The following SIRT1 variants were observed in gnomAD, a reference collection of about 807,000 sequenced individuals.
SIRT1 encodes the protein sirtuin 1, also known as NAD-dependent protein deacetylase sirtuin-1.
In SIRT1, 24 loss-of-function variants were observed where a neutral mutation model predicts 67.9. The ratio of observed to expected loss-of-function variants is 0.35; its 90% CI spans 0.26 to 0.50. The LOEUF (loss-of-function observed/expected upper bound fraction) is 0.50. Ranked by LOEUF, SIRT1 falls within the 20% of genes least tolerant of loss-of-function variation. The pLI is 0.98. For synonymous variants in SIRT1, 378 were observed against 350.7 expected, an observed-to-expected ratio of 1.08 and a Z score of -0.87; for missense variants, 873 against 937.2, an observed-to-expected ratio of 0.93 and a Z score of 0.89.
At chr10:67,895,748 G>GT (rs869039480) in intron 4 of SIRT1, among the ~76,000 whole-genome samples, 11 of 60,650 alleles carry the variant, frequency 1.8e-4, no homozygotes, top group African/African-American at 7.8e-4. Flanking sequence ...TTTTTTTTTT[G>GT]TTTTTTTTTT....
Position 67,884,899 on chromosome 10 carries a change from G to A in SIRT1, c.178G>A (p.Val60Met). The change falls in exon 1 of 9, where the codon GTG (valine) becomes ATG (methionine). Residue 60 changes from valine to methionine, a missense_variant. Transcript: ENST00000212015. ...CGGTGGGGCGGCCCCAGAGCGTGAG[G>A]TGCCGGCGGCGGCCAGGGGCTGCCC... ...EPGGAAPEREVPAAARGCPGA... is the reference protein window; with the variant it reads ...EPGGAAPEREMPAAARGCPGA... 4.1e-6 allele frequency: 5 copies of A among 1,220,352 alleles called. No individual in the cohort carries two copies. The highest frequency in any genetic ancestry group is 5.1e-6 in the Non-Finnish European group (5 of 980,590). 75.6% of individuals were successfully genotyped at this position (1,220,352 alleles called of 1,614,324 possible). A position where few individuals can be genotyped will look rare whatever the true frequency, so the allele number is the denominator to read the frequency against.
At chr10:67,891,183 T>C (rs1842566993) in intron 3 of SIRT1, among the ~76,000 whole-genome samples, 1 of 152,196 alleles carries the variant, frequency 6.6e-6, no homozygotes, top group African/African-American at 2.4e-5. Flanking sequence ...AAATTCCTTA[T>C]CTGTGTTAAA....
chr10:67,891,632 G>A, intron 4 of SIRT1, 78 bp downstream of exon 4: 1 of 1,423,694 alleles, frequency 7.0e-7, no homozygotes, highest in South Asian at 1.3e-5. Flanking sequence ...CCACCTTAAG[G>A]TTATCGTTCA....
intron 3 of SIRT1, among the ~76,000 whole-genome samples, chr10:67,889,354 A>T (rs1452179463): frequency 6.6e-6 from 1 of 152,200 alleles, no homozygotes; most frequent in Non-Finnish European, 1.5e-5. Context: ...GGGTAAATGG[A>T]GTTAAGGCAA....
chr10:67,884,907 G>A lies in SIRT1; in HGVS notation c.186G>A (p.Ala62=). The change falls in exon 1 of 9, where the codon GCG becomes GCA. Residue 62 remains alanine, a synonymous_variant. Transcript: ENST00000212015. ...CGGCCCCAGAGCGTGAGGTGCCGGC[G>A]GCGGCCAGGGGCTGCCCGGGTGCGG... is the stretch of plus-strand genomic sequence containing the variant. The part of the protein sequence containing the change: ...GGAAPEREVP[A]AARGCPGAAA... 1 of 1,222,206 alleles carries A rather than the reference G, an allele frequency of 8.2e-7. No homozygotes were observed. Among genetic ancestry groups the A allele is most frequent in the East Asian group, 3.3e-5 (1 of 30,226 alleles). 75.7% of individuals were successfully genotyped at this position (1,222,206 alleles called of 1,614,324 possible).
Position 67,914,059 on chromosome 10 carries a change from A to ATTTTTTTTT in SIRT1, c.1915+1050_1915+1058dup, listed in dbSNP as rs57073724. On this transcript the variant is annotated intron_variant, in intron 8 of 8. Transcript: ENST00000212015. ...GAACAAAACATCACACAAAAGGTAG[A>ATTTTTTTTT]TTTTTTTTTTTTTTTTTTTTTTTTT... 1.7e-4 allele frequency among the ~76,000 whole-genome samples: 15 copies of ATTTTTTTTT among 88,246 alleles called. 1 individual carries two copies. The highest frequency in any genetic ancestry group is 5.7e-4 in the African/African-American group (11 of 19,458). The allele number at this position is 88,246 out of a possible 152,430, so 57.9% of individuals were successfully genotyped here.
chr10:67,908,156 TC>T (rs765709141), intron 6 of SIRT1, 31 bp downstream of exon 6: 71 of 1,568,682 alleles, frequency 4.5e-5, no homozygotes, highest in Non-Finnish European at 5.4e-5. Context: ...TAGGAATTGT[TC>T]ATGTCTCTGA....
At chr10:67,885,944 T>TC (rs1842472323) in intron 1 of SIRT1, among the ~76,000 whole-genome samples, 1 of 124,466 alleles carries the variant, frequency 8.0e-6, no homozygotes, top group Admixed American at 8.4e-5. Flanking sequence ...AAGGTTTCTT[T>TC]TTTTTTTTTT....
Position 67,912,878 on chromosome 10 carries a change from G to C in SIRT1, c.1762G>C (p.Val588Leu). The change falls in exon 8 of 9, where the codon GTT becomes CTT. Residue 588 changes from valine (V) to leucine (L), a missense_variant. Val to Leu is a conservative substitution (Grantham distance 32). Transcript: ENST00000212015. ...KPQEVQTSRN[V>L]ESIAEQMENP... Reference sequence around the variant, plus strand: ...ACAGGAAGTACAAACTTCTAGGAATGTTGAAAGTATTGCTGAACAGATGGA... The same window carrying C: ...ACAGGAAGTACAAACTTCTAGGAATCTTGAAAGTATTGCTGAACAGATGGA... 6.2e-7 allele frequency: 1 copy of C among 1,614,156 alleles called. No individual in the cohort carries two copies. The highest frequency in any genetic ancestry group is 8.5e-7 in the Non-Finnish European group (1 of 1,180,032).
intron 8 of SIRT1, 72 bp downstream of exon 8, chr10:67,913,103 G>T: frequency 6.8e-7 from 1 of 1,471,544 alleles, no homozygotes. Context: ...TAGCTATTTC[G>T]GCAGGTTAAT....
chr10:67,900,141 T>A (rs570007144), intron 4 of SIRT1, among the ~76,000 whole-genome samples: 47 of 152,164 alleles, frequency 3.1e-4, no homozygotes, highest in African/African-American at 9.9e-4. Context: ...CAGCTTTATT[T>A]TTTATTTATT....
intron 3 of SIRT1, among the ~76,000 whole-genome samples, chr10:67,891,038 A>G (rs552218965): frequency 6.6e-6 from 1 of 151,684 alleles, no homozygotes; most frequent in Non-Finnish European, 1.5e-5. Flanking sequence ...TCAAAAAAAA[A>G]AAAAACAAAA....
Position 67,909,274 on chromosome 10 carries a change from A to G in SIRT1, c.1189A>G (p.Arg397Gly), listed in dbSNP as rs1200857950. The G allele has an allele frequency of 1.2e-6, 2 of 1,604,316 alleles. No individual in the cohort carries two copies. The highest frequency in any genetic ancestry group is 1.7e-6 in the Non-Finnish European group (2 of 1,176,750). The part of the protein sequence containing the change: ...IFNQVVPRCP[R>G]CPADEPLAIM... ...TATGTAGGTAGTTCCTCGATGTCCT[A>G]GGTGCCCAGCTGATGAACCGCTTGC... is the stretch of plus-strand genomic sequence containing the variant. The change falls in exon 7 of 9, where the codon AGG becomes GGG. Residue 397 changes from arginine to glycine, a missense_variant. Coordinates refer to ENST00000212015, the MANE Select transcript of SIRT1 (RefSeq NM_012238.5).
intron 6 of SIRT1, among the ~76,000 whole-genome samples, 157 bp from the exon 7 acceptor site, chr10:67,909,099 C>T (rs932094040): frequency 9.9e-5 from 15 of 151,794 alleles, no homozygotes; most frequent in African/African-American, 3.6e-4. Context: ...TAATAAACTA[C>T]CCATCATTGA....
At position 67,903,305 on chromosome 10, in the gene SIRT1, A is replaced by G. The variant is rs187792617; in HGVS notation, c.943-3485A>G. ...CATTTACACCTATGCCTTTTACTCT[A>G]GGGTCTTTTATTCATATTGCTAGAA... On this transcript the variant is annotated intron_variant, in intron 4 of 8. Transcript: ENST00000212015. Among the ~76,000 whole-genome samples, 61 of 151,962 alleles carry G rather than the reference A, an allele frequency of 4.0e-4. No homozygotes were observed. The East Asian group carries it at 0.011, about 28-fold the overall frequency.
chr10:67,888,669 C>T (rs76411081), intron 2 of SIRT1, among the ~76,000 whole-genome samples: 51 of 152,232 alleles, frequency 3.4e-4, no homozygotes, highest in East Asian at 1.7e-3. Context: ...ATACTTACAG[C>T]TGAAGGGGGT....
rs34135576 is a variant in SIRT1, at chr10:67,903,433, G to T, written c.943-3357G>T. Among the ~76,000 whole-genome samples the T allele has an allele frequency of 6.2e-3, 934 of 150,964 alleles. 5 individuals are homozygous for T. Among genetic ancestry groups the T allele is most frequent in the Non-Finnish European group, 6.6e-3 (448 of 67,884 alleles). ...GGAGTCTTTCTTTGTCACCCAGGCT[G>T]GAGTGCAGTGGTGTGATCTAGGCTC... is the stretch of plus-strand genomic sequence containing the variant. On this transcript the variant is annotated intron_variant, in intron 4 of 8. Transcript: ENST00000212015.
intron 4 of SIRT1, among the ~76,000 whole-genome samples, chr10:67,902,546 G>C (rs1428932968): frequency 1.3e-5 from 2 of 152,188 alleles, no homozygotes; most frequent in African/African-American, 2.4e-5. Flanking sequence ...CAATTTATTA[G>C]TATTGATTAA....
At chr10:67,894,132 C>G (rs1336472476) in intron 4 of SIRT1, among the ~76,000 whole-genome samples, 5 of 152,106 alleles carry the variant, frequency 3.3e-5, no homozygotes, top group Non-Finnish European at 5.9e-5. Context: ...CCCCATGTAA[C>G]TTTTGTTTTA....
Sources: gnomAD v4.1 joint callset for allele counts (sites outside exome capture counted in the v4.1 genomes callset) on GRCh38, gnomAD v4.1.1 for gene constraint, MANE v1.5 for transcripts, NCBI Gene and HGNC (gene_info 2026-07-23, HGNC 2026-07-21) for gene names.